Variants in CDH18 observed in about 807,000 individuals in gnomAD.
The protein encoded by CDH18 is cadherin-18.
A neutral mutation model predicts 67.9 loss-of-function variants in CDH18; 31 were observed. That is an observed-to-expected ratio of 0.46 (90% CI 0.34 to 0.62). CDH18 has a LOEUF of 0.62. Among genes scored for constraint, CDH18 ranks in the 20% least tolerant of loss-of-function variants. CDH18 has a pLI of 0.01. For missense variants in CDH18, 890 were observed against 975.5 expected, an observed-to-expected ratio of 0.91 and a Z score of 1.17; for synonymous variants, 362 against 347.2, an observed-to-expected ratio of 1.04 and a Z score of -0.48.
intron 2 of CDH18, among the ~76,000 whole-genome samples, chr5:19,871,978 T>C (rs1371923873): frequency 6.6e-6 from 1 of 152,198 alleles, no homozygotes; most frequent in African/African-American, 2.4e-5. Flanking sequence ...AATCTGGTGT[T>C]AGAGAAATCT....
intron 8 of CDH18, among the ~76,000 whole-genome samples, chr5:19,552,493 T>A (rs1421828204): frequency 6.6e-6 from 1 of 152,160 alleles, no homozygotes; most frequent in Non-Finnish European, 1.5e-5. Context: ...AAAGTGTTAA[T>A]ATGAGGGAGA....
intron 5 of CDH18, among the ~76,000 whole-genome samples, chr5:19,637,955 GC>G (rs1753408790): frequency 6.6e-6 from 1 of 151,970 alleles, no homozygotes. Flanking sequence ...TTCTATCATC[GC>G]CTTCTAACAT....
At chr5:20,454,245 A>G (rs1750679421) in intron 1 of CDH18, among the ~76,000 whole-genome samples, 3 of 152,100 alleles carry the variant, frequency 2.0e-5, no homozygotes. Context: ...AATAGATTCA[A>G]CTTTGGTTTT....
chr5:19,518,203 T>C (rs1343784061), intron 10 of CDH18, among the ~76,000 whole-genome samples: 1 of 152,128 alleles, frequency 6.6e-6, no homozygotes, highest in Admixed American at 6.6e-5. Flanking sequence ...GAATAAATTA[T>C]ATAAACTGCA....
intron 1 of CDH18, among the ~76,000 whole-genome samples, chr5:20,378,802 C>T (rs1240804584): frequency 6.6e-6 from 1 of 152,146 alleles, no homozygotes; most frequent in Admixed American, 6.5e-5. Flanking sequence ...ACACTGTTCT[C>T]AATGCTTTGG....
chr5:19,505,192 G>A (rs1451874382), intron 10 of CDH18, among the ~76,000 whole-genome samples: 1 of 152,044 alleles, frequency 6.6e-6, no homozygotes, highest in Non-Finnish European at 1.5e-5. Flanking sequence ...TGCTGAAGTT[G>A]CCTATCAGCT....
chr5:19,770,066 A>T (rs952732924), intron 3 of CDH18, among the ~76,000 whole-genome samples: 2 of 152,100 alleles, frequency 1.3e-5, no homozygotes, highest in Admixed American at 1.3e-4. Flanking sequence ...TTTTTAAAAG[A>T]CATAAGTAGT....
intron 2 of CDH18, among the ~76,000 whole-genome samples, chr5:19,897,757 G>T (rs1015310505): frequency 1.3e-5 from 2 of 151,884 alleles, no homozygotes; most frequent in Non-Finnish European, 2.9e-5. Context: ...ACAACTATAT[G>T]CACCATTATG....
chr5:20,096,375 T>A (rs1356313238), intron 2 of CDH18, among the ~76,000 whole-genome samples: 1 of 152,018 alleles, frequency 6.6e-6, no homozygotes, highest in African/African-American at 2.4e-5. Context: ...CAGAAAAAAA[T>A]GTACCACATA....
At chr5:20,523,970 C>T (rs1478621272) in intron 1 of CDH18, among the ~76,000 whole-genome samples, 1 of 152,196 alleles carries the variant, frequency 6.6e-6, no homozygotes, top group Non-Finnish European at 1.5e-5. Context: ...TGTGTATGCA[C>T]AGACTAAGTC....
At chr5:20,042,835 G>A (rs1182598762) in intron 2 of CDH18, among the ~76,000 whole-genome samples, 2 of 151,986 alleles carry the variant, frequency 1.3e-5, no homozygotes, top group Non-Finnish European at 2.9e-5. Context: ...GCTGGCGGGC[G>A]CCTGTAGTCC....
intron 1 of CDH18, among the ~76,000 whole-genome samples, chr5:20,303,709 C>T (rs184718990): frequency 5.4e-4 from 82 of 152,064 alleles, no homozygotes; most frequent in African/African-American, 1.9e-3. Context: ...CCAAAACCCA[C>T]GGGTTGTAAG....
rs942432207 is a variant in CDH18, at chr5:20,305,201, A to G, written c.-579-49696T>C. ...TTGTTTCCATTCGACAGTCCTTCCA[A>G]AGGCTTCCCTCCAGCACCACTACCA... On this transcript the variant is annotated intron_variant, in intron 1 of 14. Transcript: ENST00000507958. 2.1e-6 allele frequency: 3 copies of G among 1,403,446 alleles called. No homozygotes were observed. In the African/African-American group the frequency reaches 4.3e-5, roughly 20 times the overall value. The allele number at this position is 1,403,446 out of a possible 1,614,324, so 86.9% of individuals were successfully genotyped here.
intron 2 of CDH18, among the ~76,000 whole-genome samples, chr5:19,905,173 A>G (rs1790399440): frequency 6.6e-6 from 1 of 152,182 alleles, no homozygotes; most frequent in South Asian, 2.1e-4. Flanking sequence ...GAAATTGGAA[A>G]CTGTTTCCCA....
At chr5:20,252,025 A>G (rs1743896182) in intron 2 of CDH18, among the ~76,000 whole-genome samples, 2 of 152,170 alleles carry the variant, frequency 1.3e-5, no homozygotes, top group South Asian at 4.1e-4. Context: ...GCTTTCTTAT[A>G]TTTCATTTTT....
intron 1 of CDH18, among the ~76,000 whole-genome samples, chr5:20,479,847 A>G (rs1160819235): frequency 6.6e-6 from 1 of 152,158 alleles, no homozygotes; most frequent in Non-Finnish European, 1.5e-5. Context: ...GTATTAAATA[A>G]TCAAAGGTCA....
intron 1 of CDH18, among the ~76,000 whole-genome samples, chr5:20,431,817 C>T (rs901980279): frequency 2.0e-5 from 3 of 152,068 alleles, no homozygotes; most frequent in Admixed American, 6.6e-5. Context: ...CATTAAATGT[C>T]GTTTATCTGA....
At chr5:19,527,261 TTG>T (rs1489814808) in intron 9 of CDH18, among the ~76,000 whole-genome samples, 3 of 151,740 alleles carry the variant, frequency 2.0e-5, no homozygotes, top group Non-Finnish European at 4.4e-5. Flanking sequence ...TTGTAAAATC[TTG>T]TATATGAAAG....
intron 8 of CDH18, among the ~76,000 whole-genome samples, chr5:19,561,488 TGGACTTTGG>T (rs1377372967): frequency 6.6e-6 from 1 of 152,068 alleles, no homozygotes; most frequent in Admixed American, 6.6e-5. Context: ...AATGATACAA[TGGACTTTGG>T]GGACTTGGGG....
Sources: gnomAD v4.1 joint callset for allele counts (sites outside exome capture counted in the v4.1 genomes callset) on GRCh38, gnomAD v4.1.1 for gene constraint, MANE v1.5 for transcripts, NCBI Gene and HGNC (gene_info 2026-07-23, HGNC 2026-07-21) for gene names.